Variants in COPA observed in about 807,000 individuals in gnomAD.
COPA encodes the protein coat protein complex I subunit alpha, also known as coatomer subunit alpha.
A neutral mutation model predicts 158.7 loss-of-function variants in COPA; 10 were observed. The observed-to-expected ratio is 0.06, with a 90% CI of 0.04 to 0.11. COPA has a LOEUF of 0.11. Among genes scored for constraint, COPA ranks in the 10% least tolerant of loss-of-function variants. The pLI is 1.00. For missense variants in COPA, 1,065 were observed against 1,536.7 expected, an observed-to-expected ratio of 0.69 and a Z score of 5.13; for synonymous variants, 462 against 542.8, an observed-to-expected ratio of 0.85 and a Z score of 2.07.
chr1:160,292,641 C>T (rs774667468), intron 27 of COPA, 21 bp from the exon 28 acceptor site: 2 of 1,566,972 alleles, frequency 1.3e-6, no homozygotes, highest in Non-Finnish European at 1.7e-6. Context: ...AGGAAAGAAA[C>T]AAGGATTTTG....
rs1658785537 is a variant in COPA, at chr1:160,306,359, C to T, written c.1437G>A (p.Gln479=). 6.2e-7 allele frequency: 1 copy of T among 1,603,478 alleles called. No individual in the cohort carries two copies. The highest frequency in any genetic ancestry group is 8.5e-7 in the Non-Finnish European group (1 of 1,174,500). Residue 479 remains glutamine (Q), a synonymous_variant, in exon 15 of 33, where the codon CAG becomes CAA. Transcript: ENST00000241704. Reference sequence around the variant, plus strand: ...AGGGGCACCTGATATGTTACCGCTTCTGCTGTACGTCAAAGAGTGTGATAG... The same window carrying T: ...AGGGGCACCTGATATGTTACCGCTTTTGCTGTACGTCAAAGAGTGTGATAG... ...ADSITLFDVQ[Q]KRTLASVKIS...
At chr1:160,327,406 G>A (rs1313708823) in intron 6 of COPA, among the ~76,000 whole-genome samples, 7 of 144,780 alleles carry the variant, frequency 4.8e-5, no homozygotes, top group East Asian at 2.2e-4. Flanking sequence ...GCATGACGGC[G>A]CATGCCTGTA....
intron 1 of COPA, 57 bp downstream of exon 1, chr1:160,343,074 G>C (rs1430166552): frequency 1.3e-6 from 2 of 1,598,510 alleles, no homozygotes; most frequent in Admixed American, 1.7e-5. Context: ...CTCTTCCCCG[G>C]TGTCAGCGCC....
intron 8 of COPA, among the ~76,000 whole-genome samples, chr1:160,317,087 C>T (rs1659172366): frequency 6.7e-6 from 1 of 150,152 alleles, no homozygotes; most frequent in Non-Finnish European, 1.5e-5. Context: ...TGACATTTTC[C>T]AAGTGCTCAA....
intron 17 of COPA, among the ~76,000 whole-genome samples, chr1:160,305,021 CAT>C (rs1658737159): frequency 1.3e-5 from 2 of 152,050 alleles, no homozygotes; most frequent in Non-Finnish European, 2.9e-5. Flanking sequence ...AAAACTAAAT[CAT>C]ATTAAGAAAC....
chr1:160,293,091 T>C, intron 27 of COPA, 75 bp downstream of exon 27: 1 of 1,420,614 alleles, frequency 7.0e-7, no homozygotes, highest in South Asian at 1.2e-5. Flanking sequence ...TAATTTCCCT[T>C]GATTAAAATG....
intron 17 of COPA, among the ~76,000 whole-genome samples, chr1:160,304,167 C>A (rs1055633214): frequency 6.6e-6 from 1 of 151,436 alleles, no homozygotes; most frequent in Non-Finnish European, 1.5e-5. Flanking sequence ...GGCACCACCA[C>A]CACACCCAGC....
chr1:160,330,126 C>G (rs937568471), intron 6 of COPA, among the ~76,000 whole-genome samples: 2 of 151,864 alleles, frequency 1.3e-5, no homozygotes, highest in Admixed American at 6.6e-5. Flanking sequence ...CGCCACCCCC[C>G]CCAAAAAAAA....
At chr1:160,314,354 C>T (rs1453404611) in intron 8 of COPA, among the ~76,000 whole-genome samples, 1 of 152,156 alleles carries the variant, frequency 6.6e-6, no homozygotes, top group African/African-American at 2.4e-5. Context: ...CTTGGCCAGA[C>T]ATGGTGGCTC....
chr1:160,308,668 T>C (rs976726815), intron 13 of COPA, among the ~76,000 whole-genome samples: 2 of 152,196 alleles, frequency 1.3e-5, no homozygotes, highest in Non-Finnish European at 2.9e-5. Flanking sequence ...GTGGGGCTGT[T>C]AGCAGCCTCA....
chr1:160,342,302 T>C (rs1057186957), intron 1 of COPA, among the ~76,000 whole-genome samples: 2 of 152,160 alleles, frequency 1.3e-5, no homozygotes, highest in Non-Finnish European at 2.9e-5. Context: ...ACGCTGCATC[T>C]CACTAAATAT....
chr1:160,313,969 C>T, intron 9 of COPA, 21 bp downstream of exon 9: 4 of 1,572,432 alleles, frequency 2.5e-6, no homozygotes, highest in Non-Finnish European at 3.5e-6. Flanking sequence ...AAAGTTCACA[C>T]AACACTGAGG....
rs1476063899 is a variant in COPA, at chr1:160,290,690, G to C, written c.3421-4C>G. 6.2e-7 allele frequency: 1 copy of C among 1,613,782 alleles called. No homozygotes were observed. Among genetic ancestry groups the C allele is most frequent in the African/African-American group, 1.3e-5 (1 of 75,020 alleles). ...AGGCAGACAGGATTTTTCGGGTCTA[G>C]GGGAAGGAAGGAGTATTTAGGAGGA... On this transcript the variant is annotated splice_region_variant and splice_polypyrimidine_tract_variant and intron_variant, in intron 31 of 32. Coordinates refer to ENST00000241704, the MANE Select transcript of COPA (RefSeq NM_004371.4).
intron 6 of COPA, 92 bp from the exon 7 acceptor site, chr1:160,325,744 G>GA: frequency 2.3e-5 from 21 of 897,206 alleles, no homozygotes; most frequent in South Asian, 6.3e-5. Context: ...CAGTGAAAAA[G>GA]AAAAGAAAAA....
chr1:160,297,154 C>A (rs1265428887), intron 21 of COPA, among the ~76,000 whole-genome samples, 189 bp downstream of exon 21: 1 of 152,150 alleles, frequency 6.6e-6, no homozygotes, highest in Non-Finnish European at 1.5e-5. Flanking sequence ...TTTGGCTGGA[C>A]TGAATATTCT....
chr1:160,294,839 G>A lies in COPA; in HGVS notation c.2495C>T (p.Ala832Val), dbSNP rs866353575. Residue 832 changes from alanine to valine, a missense_variant, in exon 24 of 33, where the codon GCT (alanine) becomes GTT (valine). Coordinates refer to ENST00000241704, the MANE Select transcript of COPA (RefSeq NM_004371.4). Reference sequence around the variant, plus strand: ...AACAGTGTCAATGTCAATGTCAGCAGCCAGTGCTCCTCCCTTCCCTACAGA... The same window carrying A: ...AACAGTGTCAATGTCAATGTCAGCAACCAGTGCTCCTCCCTTCCCTACAGA... The part of the protein sequence containing the change: ...IASKGKGGAL[A>V]ADIDIDTVGT... 1 of 1,614,116 alleles carries A rather than the reference G, an allele frequency of 6.2e-7. No homozygotes were observed. The highest frequency in any genetic ancestry group is 8.5e-7 in the Non-Finnish European group (1 of 1,179,996).
intron 6 of COPA, among the ~76,000 whole-genome samples, chr1:160,330,322 C>T (rs962589913): frequency 1.3e-5 from 2 of 152,208 alleles, no homozygotes; most frequent in African/African-American, 4.8e-5. Flanking sequence ...CACAGGTTCA[C>T]AGTGCCTGTG....
intron 6 of COPA, among the ~76,000 whole-genome samples, chr1:160,330,817 G>A (rs1380235725): frequency 2.6e-5 from 4 of 152,142 alleles, no homozygotes; most frequent in Non-Finnish European, 1.5e-5. Flanking sequence ...AACATGTTTT[G>A]TAGTCCAGTC....
chr1:160,313,269 T>C, intron 9 of COPA, 102 bp from the exon 10 acceptor site: 3 of 1,027,658 alleles, frequency 2.9e-6, no homozygotes, highest in Non-Finnish European at 4.4e-6. Flanking sequence ...GATTAAAATG[T>C]AAATCAGGGA....
Sources: gnomAD v4.1 joint callset for allele counts (sites outside exome capture counted in the v4.1 genomes callset) on GRCh38, gnomAD v4.1.1 for gene constraint, MANE v1.5 for transcripts, NCBI Gene and HGNC (gene_info 2026-07-23, HGNC 2026-07-21) for gene names.